HEY2: variants seen among roughly 807,000 people sequenced by gnomAD.
HEY2 encodes hairy/enhancer-of-split related with YRPW motif protein 2.
Under a neutral mutation model 18.1 loss-of-function variants are expected in HEY2, and 10 were observed. That is an observed-to-expected ratio of 0.55 (90% confidence interval 0.34 to 0.94). The LOEUF is 0.94. HEY2 is among the 40% of genes least tolerant of loss of function. The probability of loss-of-function intolerance (pLI) is 0.02; values close to 1 mark genes in which losing one functional copy is unlikely to be tolerated. For missense variants in HEY2, 455 were observed against 455.9 expected (o/e 1.00, Z 0.02); for synonymous variants, 210 against 182.7 (o/e 1.15, Z -1.21).
rs1447248282 is a variant in HEY2, at chr6:125,760,694, G to A, written c.*892G>A. On this transcript the variant is annotated 3_prime_UTR_variant, in exon 5 of 5. Coordinates refer to ENST00000368364, the MANE Select transcript of HEY2 (RefSeq NM_012259.3). ...AAAACTCTCCAGTTTGTAGGAGTTT[G>A]GTTTAATTTATTCAGTTTCATTAGG... 6.6e-6 allele frequency: 1 copy of A among 152,134 alleles called. No individual in the cohort carries two copies. The highest frequency in any genetic ancestry group is 1.5e-5 in the Non-Finnish European group (1 of 68,008). The allele number at this position is 152,134 out of a possible 1,614,324, so 9.4% of individuals were successfully genotyped here. A position where few individuals can be genotyped will look rare whatever the true frequency, so the allele number is the denominator to read the frequency against.
intron 1 of HEY2, 117 bp downstream of exon 1, chr6:125,749,976 A>G: frequency 1.1e-6 from 1 of 919,276 alleles, no homozygotes; most frequent in Non-Finnish European, 1.7e-6. Flanking sequence ...TAGAGAGGGA[A>G]AGTTTGGCCT....
chr6:125,753,495 T>G lies in HEY2; in HGVS notation c.247-970T>G, dbSNP rs184960623. Among the ~76,000 whole-genome samples the G allele has an allele frequency of 7.3e-4, 111 of 152,206 alleles. No homozygotes were observed. In the Middle Eastern group the frequency reaches 0.01, roughly 14 times the overall value. On this transcript the variant is annotated intron_variant, in intron 3 of 4. Transcript: ENST00000368364. The stretch of plus-strand genomic sequence containing the variant: ...TTAAGTAACTCTGGCACTCTCACCG[T>G]ACGTGGTGCTGATAATTTTTACAAA...
chr6:125,759,567 T>C lies in HEY2; in HGVS notation c.779T>C (p.Leu260Pro). The change falls in exon 5 of 5, where the codon CTC (leucine) becomes CCC (proline). Residue 260 changes from leucine (L) to proline (P), a missense_variant. By Grantham distance (98) the Leu-to-Pro change is moderately conservative (BLOSUM62 -3). Transcript: ENST00000368364. The stretch of plus-strand genomic sequence containing the variant: ...CCTCTCTCCACCTCTCTCTTGTCCC[T>C]CTCTGCCACCGTCCACGCCGCAGCC... Reference protein sequence around the residue: ...VPPLSTSLLSLSATVHAAAAA... With the variant: ...VPPLSTSLLSPSATVHAAAAA... The C allele has an allele frequency of 6.2e-7, 1 of 1,610,832 alleles. No homozygotes were observed. Among genetic ancestry groups the C allele is most frequent in the East Asian group, 2.2e-5 (1 of 44,866 alleles).
At position 125,759,268 on chromosome 6, in the gene HEY2, C is replaced by T; in HGVS notation, c.480C>T (p.Cys160=). The T allele has an allele frequency of 6.2e-7, 1 of 1,607,690 alleles. No homozygotes were observed. Reference sequence around the variant, plus strand: ...GGCTTGTGTCTCATCTCAGCACTTGCGCCACCCAGCGGGAGGCGGCGGCCA... The same window carrying T: ...GGCTTGTGTCTCATCTCAGCACTTGTGCCACCCAGCGGGAGGCGGCGGCCA... ...RVRLVSHLST[C]ATQREAAAMT... Residue 160 remains cysteine (C), a synonymous_variant, in exon 5 of 5, where the codon TGC becomes TGT. Coordinates refer to ENST00000368364, the MANE Select transcript of HEY2 (RefSeq NM_012259.3).
At chr6:125,752,113 T>TAG in intron 3 of HEY2, 23 bp downstream of exon 3, 2 of 1,258,300 alleles carry the variant, frequency 1.6e-6, no homozygotes, top group Non-Finnish European at 2.1e-6. Context: ...CTCCCCAGAA[T>TAG]CCCCCCACCC....
chr6:125,759,965 CTT>C lies in HEY2; in HGVS notation c.*170_*171del, dbSNP rs536471883. ...CTCACGAGTGGAAATGTGGTATTCTCTTTTTTTTCTCTCCCTTTTTTGTTTGG... is the reference window on the plus strand; with the variant it reads ...CTCACGAGTGGAAATGTGGTATTCTCTTTTTTCTCTCCCTTTTTTGTTTGG... On this transcript the variant is annotated 3_prime_UTR_variant, in exon 5 of 5. Transcript: ENST00000368364. 2 of 657,978 alleles carry C rather than the reference CTT, an allele frequency of 3.0e-6. No individual in the cohort carries two copies. The highest frequency in any genetic ancestry group is 2.0e-5 in the South Asian group (1 of 50,040). 40.8% of individuals were successfully genotyped at this position (657,978 alleles called of 1,614,324 possible). A position where few individuals can be genotyped will look rare whatever the true frequency, so the allele number is the denominator to read the frequency against.
At chr6:125,751,738 A>G in intron 1 of HEY2, 63 bp from the exon 2 acceptor site, 1 of 1,053,452 alleles carries the variant, frequency 9.5e-7, no homozygotes, top group Non-Finnish European at 1.5e-6. Context: ...GGGTGCCACA[A>G]GTACCCAGAA....
intron 4 of HEY2, among the ~76,000 whole-genome samples, chr6:125,756,285 C>T (rs1301928998): frequency 2.0e-5 from 3 of 152,054 alleles, no homozygotes; most frequent in Non-Finnish European, 4.4e-5. Flanking sequence ...AGGGAGCTGG[C>T]GGCTGGGTGT....
chr6:125,752,198 C>A, intron 3 of HEY2, 108 bp downstream of exon 3: 1 of 667,924 alleles, frequency 1.5e-6, no homozygotes, highest in South Asian at 1.7e-5. Flanking sequence ...CTTGTTAAAG[C>A]TCATTAAAAT....
rs1219807356 is a variant in HEY2 at position 125,758,218 on chromosome 6, TATCTTCAGACAGAG to T, written c.329-897_329-884del. Among the ~76,000 whole-genome samples the T allele has an allele frequency of 2.6e-5, 4 of 152,362 alleles. No individual in the cohort carries two copies. In the East Asian group the frequency reaches 7.7e-4, roughly 29 times the overall value. On this transcript the variant is annotated intron_variant, in intron 4 of 4. Coordinates refer to ENST00000368364, the MANE Select transcript of HEY2 (RefSeq NM_012259.3). ...ATTATTATTTTCTATTCTAATGTAT[TATCTTCAGACAGAG>T]ACTCAGATAAATGTGACCAAGCTCT...
chr6:125,759,677 G>T lies in HEY2; in HGVS notation c.889G>T (p.Val297Leu), dbSNP rs145752173. 1 of 1,612,484 alleles carries T rather than the reference G, an allele frequency of 6.2e-7. No individual in the cohort carries two copies. The highest frequency in any genetic ancestry group is 1.3e-5 in the African/African-American group (1 of 75,060). Residue 297 changes from valine (V) to leucine (L), a missense_variant, in exon 5 of 5, where the codon GTG becomes TTG. Val to Leu is a conservative substitution (Grantham distance 32). Transcript: ENST00000368364. ...GCTTCCCCCAAACGCAGCAGCAGCA[G>T]TGGCCGCGGCCACAGCCATCAGCCC... ...PMLPPNAAAA[V>L]AAATAISPPL... is the part of the protein sequence containing the mutation.
Position 125,752,062 on chromosome 6 carries a change from G to A in HEY2, c.218G>A (p.Arg73Lys). 6.2e-7 allele frequency: 1 copy of A among 1,613,746 alleles called. No homozygotes were observed. Among genetic ancestry groups the A allele is most frequent in the Non-Finnish European group, 8.5e-7 (1 of 1,179,704 alleles). Residue 73 changes from arginine (R) to lysine (K), a missense_variant, in exon 3 of 5, where the codon AGA becomes AAA. Arg to Lys is a conservative substitution (Grantham distance 26, BLOSUM62 2). Coordinates refer to ENST00000368364, the MANE Select transcript of HEY2 (RefSeq NM_012259.3). ...AATAACAGTTTATCTGAGTTGAGAA[G>A]ACTTGTGCCAACTGCTTTTGAAAAA... Reference protein sequence around the residue: ...RINNSLSELRRLVPTAFEKQG... With the variant: ...RINNSLSELRKLVPTAFEKQG...
At chr6:125,750,817 A>C (rs1463063645) in intron 1 of HEY2, among the ~76,000 whole-genome samples, 2 of 152,208 alleles carry the variant, frequency 1.3e-5, no homozygotes, top group Non-Finnish European at 2.9e-5. Context: ...GGTGAAAATG[A>C]GGGGGACAGG....
rs1562705375 is a variant in HEY2 at position 125,752,063 on chromosome 6, A to G, written c.219A>G (p.Arg73=). The change falls in exon 3 of 5, where the codon AGA becomes AGG. Residue 73 remains arginine (R), a synonymous_variant. Transcript: ENST00000368364. ...RINNSLSELR[R]LVPTAFEKQG... Reference sequence around the variant, plus strand: ...ATAACAGTTTATCTGAGTTGAGAAGACTTGTGCCAACTGCTTTTGAAAAAC... The same window carrying G: ...ATAACAGTTTATCTGAGTTGAGAAGGCTTGTGCCAACTGCTTTTGAAAAAC... 3.7e-6 allele frequency: 6 copies of G among 1,613,680 alleles called. No individual in the cohort carries two copies. The highest frequency in any genetic ancestry group is 1.1e-5 in the South Asian group (1 of 91,066).
chr6:125,759,442 G>T lies in HEY2; in HGVS notation c.654G>T (p.Val218=). The change falls in exon 5 of 5, where the codon GTG becomes GTT. Residue 218 remains valine, a synonymous_variant. Transcript: ENST00000368364. ...GTCGCCTCTCCACAACTTCAGAAGT[G>T]CCTCCTGCCCACGGCTCTGCTCTCC... The part of the protein sequence containing the change: ...TPCRLSTTSE[V]PPAHGSALLT... The T allele has an allele frequency of 6.2e-7, 1 of 1,611,618 alleles. No individual in the cohort carries two copies. Among genetic ancestry groups the T allele is most frequent in the Non-Finnish European group, 8.5e-7 (1 of 1,179,936 alleles).
intron 4 of HEY2, among the ~76,000 whole-genome samples, chr6:125,756,597 A>G (rs1435643610): frequency 6.6e-6 from 1 of 152,096 alleles, no homozygotes; most frequent in Non-Finnish European, 1.5e-5. Flanking sequence ...AAAAGAAGGG[A>G]GCTGGCTGTT....
In HEY2 at chr6:125,759,437, G is replaced by C. The variant is rs867817305; in HGVS notation, c.649G>C (p.Glu217Gln). Residue 217 changes from glutamate (E) to glutamine (Q), a missense_variant, in exon 5 of 5, where the codon GAA becomes CAA. Transcript: ENST00000368364. ...CCCTTGTCGCCTCTCCACAACTTCA[G>C]AAGTGCCTCCTGCCCACGGCTCTGC... ...STPCRLSTTS[E>Q]VPPAHGSALL... 4 of 1,611,692 alleles carry C rather than the reference G, an allele frequency of 2.5e-6. No homozygotes were observed. The highest frequency in any genetic ancestry group is 1.7e-5 in the Admixed American group (1 of 59,996).
rs907516600 is a variant in HEY2 at position 125,759,329 on chromosome 6, C to A, written c.541C>A (p.His181Asn). The change falls in exon 5 of 5, where the codon CAC (histidine) becomes AAC (asparagine). Residue 181 changes from histidine to asparagine, a missense_variant. Transcript: ENST00000368364. ...CATGGCCCACCACCATCATCCGCTC[C>A]ACCCGCATCACTGGGCCGCCGCCTT... ...SSMAHHHHPL[H>N]PHHWAAAFHH... 3 of 1,604,684 alleles carry A rather than the reference C, an allele frequency of 1.9e-6. No individual in the cohort carries two copies. In the African/African-American group the frequency reaches 4.0e-5, roughly 21 times the overall value.
chr6:125,752,427 CAAAA>C (rs56184046), intron 3 of HEY2, among the ~76,000 whole-genome samples: 6 of 117,728 alleles, frequency 5.1e-5, no homozygotes, highest in African/African-American at 1.0e-4. Context: ...CCGTATCCTT[CAAAA>C]AAAAAAAAAA....
Sources: allele counts gnomAD v4.1 joint callset (sites outside exome capture counted in the v4.1 genomes callset), GRCh38; gene constraint gnomAD v4.1.1; transcripts MANE v1.5; gene names NCBI Gene and HGNC (gene_info 2026-07-23, HGNC 2026-07-21).